ATP10B: variants seen among roughly 807,000 people sequenced by gnomAD.
ATP10B encodes phospholipid-transporting ATPase VB.
ATP10B carries 122 observed loss-of-function variants against 141.2 expected under a neutral mutation model. The ratio of observed to expected loss-of-function variants is 0.86; its 90% CI spans 0.75 to 1.00. The LOEUF (loss-of-function observed/expected upper bound fraction) is 1.00, where lower values mean the gene tolerates loss of function less well. ATP10B is among the 50% of genes least tolerant of loss of function. ATP10B has a pLI of 0.00. For missense variants in ATP10B, 1,876 were observed against 1,825.3 expected, an observed-to-expected ratio of 1.03 and a Z score of -0.51; for synonymous variants, 685 against 692.0, an observed-to-expected ratio of 0.99 and a Z score of 0.16.
chr5:160,654,704 G>GTTATCGTCATCGTCA (rs1761361102), intron 7 of ATP10B, among the ~76,000 whole-genome samples: 1 of 151,934 alleles, frequency 6.6e-6, no homozygotes, highest in African/African-American at 2.4e-5. Flanking sequence ...TGTCGTCATC[G>GTTATCGTCATCGTCA]TCATCATCAT....
intron 2 of ATP10B, among the ~76,000 whole-genome samples, chr5:160,742,487 C>T (rs143126050): frequency 1.3e-5 from 2 of 152,194 alleles, no homozygotes; most frequent in East Asian, 3.9e-4. Flanking sequence ...GGAGTTCACT[C>T]TGGTTGGTGA....
chr5:160,578,082 T>A (rs919481328), intron 24 of ATP10B, among the ~76,000 whole-genome samples: 23 of 152,188 alleles, frequency 1.5e-4, no homozygotes, highest in Admixed American at 1.3e-4. Flanking sequence ...AAGGAAGAAT[T>A]TAATCTACTT....
At chr5:160,832,083 G>A (rs1775119472) in intron 1 of ATP10B, among the ~76,000 whole-genome samples, 2 of 151,148 alleles carry the variant, frequency 1.3e-5, no homozygotes. Flanking sequence ...TTGTCAACAA[G>A]TAATCAGAAC....
At chr5:160,596,931 G>A (rs1488206032) in intron 22 of ATP10B, among the ~76,000 whole-genome samples, 3 of 152,142 alleles carry the variant, frequency 2.0e-5, no homozygotes, top group Admixed American at 2.0e-4. Flanking sequence ...ATGCTCATGG[G>A]TAGGAAGAAT....
chr5:160,806,093 T>C (rs1772751958), intron 1 of ATP10B, among the ~76,000 whole-genome samples: 1 of 152,180 alleles, frequency 6.6e-6, no homozygotes, highest in South Asian at 2.1e-4. Flanking sequence ...CAACAGATTG[T>C]ATAAAGCCCA....
the ATP10B span, among the ~76,000 whole-genome samples, chr5:160,912,296 G>T: frequency 5.3e-5 from 8 of 151,974 alleles, no homozygotes; most frequent in East Asian, 1.4e-3. Context: ...AAATAATTCA[G>T]CCTGGTGCAG....
chr5:160,820,601 C>T (rs1194687532), intron 1 of ATP10B, among the ~76,000 whole-genome samples: 6 of 151,918 alleles, frequency 3.9e-5, no homozygotes. Context: ...AAGAAAATTA[C>T]AGGCCAATAT....
intron 21 of ATP10B, among the ~76,000 whole-genome samples, chr5:160,600,832 C>T (rs539078255): frequency 1.2e-4 from 19 of 152,308 alleles, no homozygotes; most frequent in African/African-American, 4.6e-4. Flanking sequence ...TTAATCCCCT[C>T]TGAAATTGGT....
At chr5:160,607,690 A>G (rs1373417739) in intron 18 of ATP10B, among the ~76,000 whole-genome samples, 2 of 152,226 alleles carry the variant, frequency 1.3e-5, no homozygotes, top group Non-Finnish European at 2.9e-5. Flanking sequence ...TGAAGCATTG[A>G]TCACATTGGT....
At position 160,602,580 on chromosome 5, in the gene ATP10B, G is replaced by A. The variant is rs141953233; in HGVS notation, c.3360C>T (p.Asn1120=). 1,289 of 1,613,764 alleles carry A rather than the reference G, an allele frequency of 8.0e-4. 4 individuals are homozygous for A. Among genetic ancestry groups the A allele is most frequent in the African/African-American group, 2.1e-3 (157 of 75,044 alleles). The change falls in exon 21 of 26, where the codon AAC becomes AAT. Residue 1120 remains asparagine, a synonymous_variant. Transcript: ENST00000327245. ...ARMVVYYLYK[N]VCYVNLLFWY... Reference sequence around the variant, plus strand: ...GAGGACGCCATAGGCTACTTACCACGTTCTTGTAGAGGTAGTACACCACCA... The same window carrying A: ...GAGGACGCCATAGGCTACTTACCACATTCTTGTAGAGGTAGTACACCACCA...
At chr5:160,599,100 TGA>T (rs1010600437) in intron 21 of ATP10B, 130 bp from the exon 22 acceptor site, 3 of 713,532 alleles carry the variant, frequency 4.2e-6, no homozygotes, top group East Asian at 2.7e-5. Context: ...TATGTAAGGA[TGA>T]GAGAGAATTC....
At chr5:160,770,676 C>G (rs2127855711) in intron 2 of ATP10B, among the ~76,000 whole-genome samples, 1 of 152,130 alleles carries the variant, frequency 6.6e-6, no homozygotes, top group East Asian at 1.9e-4. Flanking sequence ...ATTTTAATAG[C>G]AAAGCACTTA....
At chr5:160,827,749 A>G (rs1774741712) in intron 1 of ATP10B, among the ~76,000 whole-genome samples, 1 of 152,222 alleles carries the variant, frequency 6.6e-6, no homozygotes, top group East Asian at 1.9e-4. Context: ...ATTTTTGTAT[A>G]GGGTGAAAGG....
the ATP10B span, among the ~76,000 whole-genome samples, chr5:160,866,397 G>T: frequency 3.9e-5 from 6 of 152,170 alleles, no homozygotes; most frequent in Middle Eastern, 0.01. Context: ...TAATGTGCTG[G>T]GTGTGGTGGC....
chr5:160,804,634 T>C lies in ATP10B; in HGVS notation c.-575-18831A>G, dbSNP rs570328911. On this transcript the variant is annotated intron_variant, in intron 1 of 25. Coordinates refer to ENST00000327245, the MANE Select transcript of ATP10B (RefSeq NM_025153.3). ...TAGACTGGAGTTTGAAAACTACACA[T>C]TTGCAAATTTGCAATCATCTTGCAG... is the stretch of plus-strand genomic sequence containing the variant. Among the ~76,000 whole-genome samples, 9 of 152,324 alleles carry C rather than the reference T, an allele frequency of 5.9e-5. No individual in the cohort carries two copies. The South Asian group carries it at 1.5e-3, about 25-fold the overall frequency.
At chr5:160,708,771 C>T (rs76820395) in intron 3 of ATP10B, among the ~76,000 whole-genome samples, 2,945 of 152,242 alleles carry the variant, frequency 0.019, 93 homozygotes, top group African/African-American at 0.066. Context: ...ACTTGTTCTA[C>T]GTCATGATGG....
chr5:160,704,787 T>C (rs902967545), intron 3 of ATP10B, among the ~76,000 whole-genome samples: 2 of 152,172 alleles, frequency 1.3e-5, no homozygotes, highest in Admixed American at 6.5e-5. Context: ...TTTTGATAAC[T>C]TGCCACAGCT....
intron 2 of ATP10B, among the ~76,000 whole-genome samples, chr5:160,782,434 T>G (rs963244934): frequency 1.6e-5 from 2 of 122,932 alleles, no homozygotes; most frequent in Non-Finnish European, 3.4e-5. Flanking sequence ...ATTTTCTTCC[T>G]CCATACACAC....
chr5:160,572,387 C>T (rs1293586897), intron 24 of ATP10B, among the ~76,000 whole-genome samples: 1 of 152,092 alleles, frequency 6.6e-6, no homozygotes, highest in African/African-American at 2.4e-5. Context: ...AGATTCTCTT[C>T]CTGCTTCAAG....
Sources: allele counts gnomAD v4.1 joint callset (sites outside exome capture counted in the v4.1 genomes callset), GRCh38; gene constraint gnomAD v4.1.1; transcripts MANE v1.5; gene names NCBI Gene and HGNC (gene_info 2026-07-23, HGNC 2026-07-21).